PCDHGB2: variants seen among roughly 807,000 people sequenced by gnomAD.
PCDHGB2 encodes protocadherin gamma-B2.
In PCDHGB2, 55 loss-of-function variants were observed where a neutral mutation model predicts 59.3. The ratio of observed to expected loss-of-function variants is 0.93; its 90% CI spans 0.75 to 1.16. PCDHGB2 has a LOEUF of 1.16. Ranked by LOEUF, PCDHGB2 falls within the 50% of genes most tolerant of loss-of-function variation. The pLI is 0.00. For missense variants in PCDHGB2, 1,228 were observed against 1,198.5 expected, an observed-to-expected ratio of 1.02 and a Z score of -0.36; for synonymous variants, 516 against 512.0, an observed-to-expected ratio of 1.01 and a Z score of -0.11.
chr5:141,400,054 C>T, intron 1 of PCDHGB2: 2 of 1,613,622 alleles, frequency 1.2e-6, no homozygotes, highest in Non-Finnish European at 1.7e-6. Flanking sequence ...GGTTGCTGTG[C>T]GTGATGGTGG....
chr5:141,433,209 T>A, intron 1 of PCDHGB2: 3 of 465,024 alleles, frequency 6.5e-6, no homozygotes, highest in South Asian at 1.0e-4. Context: ...ATCTTCTTTC[T>A]TTTTTTTTTT....
At chr5:141,454,993 T>C (rs2098809479) in intron 1 of PCDHGB2, among the ~76,000 whole-genome samples, 1 of 151,290 alleles carries the variant, frequency 6.6e-6, no homozygotes, top group Non-Finnish European at 1.5e-5. Context: ...AAAATATTTT[T>C]AGTAGAGACG....
chr5:141,405,599 A>G, intron 1 of PCDHGB2: 2 of 575,638 alleles, frequency 3.5e-6, no homozygotes, highest in South Asian at 4.5e-5. Flanking sequence ...CCTCCCAAGT[A>G]GAATAACTGG....
intron 1 of PCDHGB2, chr5:141,433,370 T>TCTAA (rs1466476027): frequency 1.8e-6 from 1 of 554,768 alleles, no homozygotes; most frequent in African/African-American, 1.9e-5. Context: ...TATCTATCTA[T>TCTAA]CTATCTATCT....
chr5:141,405,494 A>G, intron 1 of PCDHGB2: 1 of 840,532 alleles, frequency 1.2e-6, no homozygotes, highest in Non-Finnish European at 1.8e-6. Context: ...ATCTCGGCTC[A>G]TTGCAACCTC....
intron 1 of PCDHGB2, chr5:141,409,128 T>C (rs755394129): frequency 6.2e-6 from 10 of 1,613,976 alleles, no homozygotes; most frequent in South Asian, 1.1e-5. Flanking sequence ...TCATTTGATT[T>C]TGAAGATGTA....
chr5:141,409,647 G>A, intron 1 of PCDHGB2: 2 of 1,613,668 alleles, frequency 1.2e-6, no homozygotes, highest in Non-Finnish European at 1.7e-6. Context: ...CCGGATTTGG[G>A]GCTCAATGGC....
In PCDHGB2 at chr5:141,360,769, C is replaced by T. The variant is rs1427744238; in HGVS notation, c.634C>T (p.Leu212Phe). ...REEHSLHQLV[L>F]TAVDGGDPPQ... ...AGAGCACAGTTTACATCAATTGGTC[C>T]TCACAGCTGTGGATGGCGGAGACCC... The change falls in exon 1 of 4, where the codon CTC becomes TTC. Residue 212 changes from leucine to phenylalanine, a missense_variant. By Grantham distance (22) the Leu-to-Phe change is conservative. Transcript: ENST00000522605. 1 of 1,613,942 alleles carries T rather than the reference C, an allele frequency of 6.2e-7. No homozygotes were observed. The highest frequency in any genetic ancestry group is 1.3e-5 in the African/African-American group (1 of 75,034).
At chr5:141,466,655 AT>A (rs754296083) in intron 1 of PCDHGB2, among the ~76,000 whole-genome samples, 3 of 152,206 alleles carry the variant, frequency 2.0e-5, no homozygotes, top group Non-Finnish European at 4.4e-5. Context: ...TTCACAAAAC[AT>A]CAGTGATTTC....
At chr5:141,405,931 C>CT (rs1439525242) in intron 1 of PCDHGB2, among the ~76,000 whole-genome samples, 2 of 152,062 alleles carry the variant, frequency 1.3e-5, no homozygotes, top group Non-Finnish European at 2.9e-5. Context: ...GCTGATATAA[C>CT]TTTCATGTTC....
rs192411178 is a variant in PCDHGB2, at chr5:141,397,840, C to A, written c.2421+35284C>A. ...AATTACTGCACTGGTTAACTTGAAG[C>A]CGCAGAGGCTGTAGTTTCCTAGTGC... On this transcript the variant is annotated intron_variant, in intron 1 of 3. Transcript: ENST00000522605. 268 of 517,094 alleles carry A rather than the reference C, an allele frequency of 5.2e-4. 2 individuals carry two copies. Among genetic ancestry groups the A allele is most frequent in the African/African-American group, 4.6e-3 (241 of 51,950 alleles). The allele number at this position is 517,094 out of a possible 1,614,324, so 32.0% of individuals were successfully genotyped here. A position where few individuals can be genotyped will look rare whatever the true frequency, so the allele number is the denominator to read the frequency against.
chr5:141,419,300 T>G (rs2096356436), intron 1 of PCDHGB2: 3 of 1,613,998 alleles, frequency 1.9e-6, no homozygotes, highest in Non-Finnish European at 2.5e-6. Context: ...TGACCCAGAC[T>G]TCGGGCTCAA....
chr5:141,447,123 TTTTG>T (rs1327676720), intron 1 of PCDHGB2, among the ~76,000 whole-genome samples: 7 of 152,278 alleles, frequency 4.6e-5, no homozygotes, highest in African/African-American at 1.4e-4. Context: ...CCATGGATTT[TTTTG>T]TTTGTTTGTT....
chr5:141,423,749 T>TG, intron 1 of PCDHGB2: 2 of 272,262 alleles, frequency 7.3e-6, no homozygotes, highest in Non-Finnish European at 4.7e-6. Flanking sequence ...TGAAAACTGT[T>TG]TGGGGGGGGG....
Position 141,432,320 on chromosome 5 carries a change from G to A in PCDHGB2, c.2422-62487G>A, listed in dbSNP as rs369088426. 4 of 1,614,120 alleles carry A rather than the reference G, an allele frequency of 2.5e-6. No individual in the cohort carries two copies. The African/African-American group carries it at 4.0e-5, about 16-fold the overall frequency. On this transcript the variant is annotated intron_variant, in intron 1 of 3. Coordinates refer to ENST00000522605, the MANE Select transcript of PCDHGB2 (RefSeq NM_018923.3). The surrounding 1 kb of genome is among the most constrained non-coding windows in gnomAD (Gnocchi z 6.0). ...GGTACTGTATGCGCTGAGCTCCTTC[G>A]ACTACGAGCAGTTCCGAGACTTGCA...
chr5:141,378,375 T>C (rs2150126691), intron 1 of PCDHGB2: 1 of 152,224 alleles, frequency 6.6e-6, no homozygotes, highest in African/African-American at 2.4e-5. Context: ...ATACAAAAAT[T>C]AGCCAGGTGG....
Position 141,432,473 on chromosome 5 carries a change from T to G in PCDHGB2, c.2422-62334T>G. On this transcript the variant is annotated intron_variant, in intron 1 of 3. Coordinates refer to ENST00000522605, the MANE Select transcript of PCDHGB2 (RefSeq NM_018923.3). The surrounding 1 kb of genome is among the most constrained non-coding windows in gnomAD (Gnocchi z 6.0). ...GTACCCCGCCCTCCCCACGGACGGT[T>G]CCACTGGCGTGGAGCTGGCTCCCCG... 1 of 1,614,180 alleles carries G rather than the reference T, an allele frequency of 6.2e-7. No individual in the cohort carries two copies. The highest frequency in any genetic ancestry group is 1.1e-5 in the South Asian group (1 of 91,078).
intron 1 of PCDHGB2, among the ~76,000 whole-genome samples, chr5:141,467,062 T>C (rs2099136058): frequency 6.6e-6 from 1 of 151,686 alleles, no homozygotes; most frequent in South Asian, 2.1e-4. Context: ...TTTCTTTTTT[T>C]TTTTTTTTTA....
intron 1 of PCDHGB2, chr5:141,408,156 T>C: frequency 6.6e-7 from 1 of 1,512,436 alleles, no homozygotes; most frequent in Non-Finnish European, 8.9e-7. Context: ...TAGAGTGCAC[T>C]TTCTCCAACT....
Sources: allele counts gnomAD v4.1 joint callset (sites outside exome capture counted in the v4.1 genomes callset), GRCh38; gene constraint gnomAD v4.1.1; non-coding constraint Gnocchi (gnomAD v3.1); transcripts MANE v1.5; gene names NCBI Gene and HGNC (gene_info 2026-07-23, HGNC 2026-07-21).